DCDC2: variants seen among roughly 807,000 people sequenced by gnomAD.
DCDC2 encodes the protein doublecortin domain-containing protein 2.
DCDC2 carries 40 observed loss-of-function variants against 50.2 expected under a neutral mutation model. That is an observed-to-expected ratio of 0.80 (90% confidence interval 0.62 to 1.04). The LOEUF (loss-of-function observed/expected upper bound fraction) is 1.04. DCDC2 is among the 50% of genes least tolerant of loss of function. The probability of loss-of-function intolerance (pLI) is 0.00; values close to 1 mark genes in which losing one functional copy is unlikely to be tolerated. For synonymous variants in DCDC2, 234 were observed against 210.6 expected (o/e 1.11, Z -0.96); for missense variants, 570 against 581.9 (o/e 0.98, Z 0.21).
intron 9 of DCDC2, among the ~76,000 whole-genome samples, chr6:24,177,698 C>T (rs1760955096): frequency 6.6e-6 from 1 of 152,192 alleles, no homozygotes; most frequent in Admixed American, 6.5e-5. Flanking sequence ...CATAGAAGAA[C>T]AGGCTAGGAA....
At chr6:24,362,234 TTTTA>T (rs1250386288), upstream of DCDC2, among the ~76,000 whole-genome samples, 3 of 150,222 alleles carry the variant, frequency 2.0e-5, no homozygotes. Flanking sequence ...TTTATACAAT[TTTTA>T]TTTAATTGTA....
At chr6:24,251,291 C>T (rs534984890) in intron 7 of DCDC2, among the ~76,000 whole-genome samples, 35 of 152,284 alleles carry the variant, frequency 2.3e-4, no homozygotes, top group Non-Finnish European at 3.8e-4. Context: ...TAAAAGTGAA[C>T]CCCAAATGGC....
upstream of DCDC2, among the ~76,000 whole-genome samples, chr6:24,361,489 G>A (rs1257625968): frequency 1.3e-5 from 2 of 152,050 alleles, no homozygotes; most frequent in Non-Finnish European, 2.9e-5. Context: ...ATACAGGGAG[G>A]AAATAGACAA....
At chr6:24,207,654 C>T (rs996270031) in intron 7 of DCDC2, among the ~76,000 whole-genome samples, 6 of 152,174 alleles carry the variant, frequency 3.9e-5, no homozygotes, top group Non-Finnish European at 7.3e-5. Context: ...CATTCATACC[C>T]TGTAGCTCCT....
At chr6:24,310,561 C>T (rs1472217175) in intron 2 of DCDC2, among the ~76,000 whole-genome samples, 1 of 152,154 alleles carries the variant, frequency 6.6e-6, no homozygotes, top group African/African-American at 2.4e-5. Flanking sequence ...CAAACACTCT[C>T]TTGGTCAAAT....
At chr6:24,379,020 C>T in the DCDC2 span, among the ~76,000 whole-genome samples, 1 of 149,824 alleles carries the variant, frequency 6.7e-6, no homozygotes, top group Non-Finnish European at 1.5e-5. Context: ...TGGATCCCTT[C>T]CTTACACCAT....
At chr6:24,250,817 T>C (rs1581611733) in intron 7 of DCDC2, among the ~76,000 whole-genome samples, 1 of 151,998 alleles carries the variant, frequency 6.6e-6, no homozygotes, top group East Asian at 1.9e-4. Context: ...TTACATAGCA[T>C]GATGATGCAA....
At chr6:24,275,874 T>TTTTC (rs1010715128) in intron 7 of DCDC2, among the ~76,000 whole-genome samples, 1 of 145,808 alleles carries the variant, frequency 6.9e-6, no homozygotes, top group African/African-American at 2.5e-5. Flanking sequence ...CAATTTTTTT[T>TTTTC]TTTTTTTTTT....
At chr6:24,219,576 A>AACGGGGTGCAAACTGT (rs1762055769) in intron 7 of DCDC2, among the ~76,000 whole-genome samples, 3 of 152,226 alleles carry the variant, frequency 2.0e-5, no homozygotes, top group Non-Finnish European at 4.4e-5. Context: ...GTTATTTTTA[A>AACGGGGTGCAAACTGT]TAAAATAGAA....
At position 24,275,866 on chromosome 6, in the gene DCDC2, A is replaced by ATT. The variant is rs10685261; in HGVS notation, c.922+2181_922+2182dup. On this transcript the variant is annotated intron_variant, in intron 7 of 9. Transcript: ENST00000378454. ...CAAAAGCAAAAATGCCAATAATTCA[A>ATT]TTTTTTTTTTTTTTTTTTTTTTAGG... Among the ~76,000 whole-genome samples the ATT allele has an allele frequency of 9.9e-4, 107 of 108,108 alleles. 17 individuals are homozygous for ATT. The highest frequency in any genetic ancestry group is 2.4e-3 in the South Asian group (7 of 2,914). 70.9% of individuals were successfully genotyped at this position (108,108 alleles called of 152,430 possible).
chr6:24,205,482 T>C (rs1191446762), intron 7 of DCDC2, among the ~76,000 whole-genome samples: 1 of 152,144 alleles, frequency 6.6e-6, no homozygotes, highest in Non-Finnish European at 1.5e-5. Flanking sequence ...TTTAAAATAC[T>C]ACTTTTAGAA....
chr6:24,232,014 C>T (rs1026453550), intron 7 of DCDC2, among the ~76,000 whole-genome samples: 239 of 102,792 alleles, frequency 2.3e-3, no homozygotes, highest in African/African-American at 6.1e-3. Flanking sequence ...TACACACACA[C>T]ACACACACAC....
chr6:24,188,868 G>C (rs1055895246), intron 8 of DCDC2, among the ~76,000 whole-genome samples: 2 of 152,066 alleles, frequency 1.3e-5, no homozygotes, highest in Middle Eastern at 3.2e-3. Context: ...AAACCTAGAT[G>C]ATTCCAGCCT....
intron 7 of DCDC2, among the ~76,000 whole-genome samples, chr6:24,223,690 A>C (rs1762164595): frequency 6.6e-6 from 1 of 152,272 alleles, no homozygotes; most frequent in African/African-American, 2.4e-5. Flanking sequence ...GCTTATCAGA[A>C]TAAGCCATAA....
intron 7 of DCDC2, among the ~76,000 whole-genome samples, chr6:24,215,949 C>T (rs895370383): frequency 6.6e-6 from 1 of 152,164 alleles, no homozygotes; most frequent in Non-Finnish European, 1.5e-5. Context: ...GAAGGACTCT[C>T]AGGTTTATGG....
chr6:24,284,485 G>A lies in DCDC2; in HGVS notation c.759+4367C>T, dbSNP rs9356931. On this transcript the variant is annotated intron_variant, in intron 6 of 9. Coordinates refer to ENST00000378454, the MANE Select transcript of DCDC2 (RefSeq NM_016356.5). ...AAATTAGCCAGGCATGGTGGCGGGC[G>A]CCTGTAATCCCAGCTACTCGGGAGG... Among the ~76,000 whole-genome samples the A allele has an allele frequency of 4.3e-3, 646 of 151,624 alleles. 28 individuals carry two copies. In the East Asian group the frequency reaches 0.1, roughly 24 times the overall value.
At chr6:24,210,973 C>A (rs1489569370) in intron 7 of DCDC2, among the ~76,000 whole-genome samples, 1 of 152,338 alleles carries the variant, frequency 6.6e-6, no homozygotes, top group East Asian at 1.9e-4. Context: ...CTAAAAAGTT[C>A]TTTCCCCATT....
chr6:24,261,482 G>A (rs1400489326), intron 7 of DCDC2, among the ~76,000 whole-genome samples: 2 of 151,868 alleles, frequency 1.3e-5, no homozygotes, highest in Non-Finnish European at 1.5e-5. Context: ...GTGCCAGGGA[G>A]GTAATTCTCC....
At chr6:24,212,806 C>T (rs1761899112) in intron 7 of DCDC2, among the ~76,000 whole-genome samples, 1 of 152,076 alleles carries the variant, frequency 6.6e-6, no homozygotes, top group South Asian at 2.1e-4. Context: ...TTCACTTATC[C>T]CTTATGAATT....
Sources: allele counts gnomAD v4.1 joint callset (sites outside exome capture counted in the v4.1 genomes callset), GRCh38; gene constraint gnomAD v4.1.1; transcripts MANE v1.5; gene names NCBI Gene and HGNC (gene_info 2026-07-23, HGNC 2026-07-21).